The following GRM7 variants were observed in gnomAD, a reference collection of about 807,000 sequenced individuals.
The protein encoded by GRM7 is metabotropic glutamate receptor 7.
Under a neutral mutation model 84.5 loss-of-function variants are expected in GRM7, and 35 were observed. The observed-to-expected ratio is 0.41, with a 90% confidence interval of 0.32 to 0.55. The LOEUF (loss-of-function observed/expected upper bound fraction) is 0.55. Ranked by LOEUF, GRM7 falls within the 20% of genes least tolerant of loss-of-function variation. GRM7 has a pLI of 0.19. For missense variants in GRM7, 1,003 were observed against 1,194.6 expected (o/e 0.84, Z 2.36); for synonymous variants, 487 against 455.1 (o/e 1.07, Z -0.89).
chr3:7,533,150 T>C (rs1701110550), intron 7 of GRM7, among the ~76,000 whole-genome samples: 1 of 152,128 alleles, frequency 6.6e-6, no homozygotes, highest in African/African-American at 2.4e-5. Context: ...GCAGACCGAA[T>C]AGACATCTAC....
chr3:7,588,387 A>G (rs1227944409), intron 8 of GRM7, among the ~76,000 whole-genome samples: 1 of 152,120 alleles, frequency 6.6e-6, no homozygotes, highest in Admixed American at 6.6e-5. Context: ...CTCTCTACCC[A>G]CCCAGCTCAG....
intron 7 of GRM7, chr3:7,560,376 CT>C (rs1486125354): frequency 6.6e-6 from 1 of 152,102 alleles, no homozygotes; most frequent in Non-Finnish European, 1.5e-5. Context: ...ATAATCATAT[CT>C]TTCCCAAAGG....
rs1699898856 is a variant in GRM7, at chr3:7,298,752, A to G, written c.805A>G (p.Arg269Gly). Residue 269 changes from arginine to glycine, a missense_variant, in exon 3 of 10, where the codon AGA becomes GGA. This residue lies in a region of GRM7 where 910 missense variants were observed against 1,126.0 expected (regional missense o/e 0.81). Coordinates refer to ENST00000357716, the MANE Select transcript of GRM7 (RefSeq NM_000844.4). ...CAAAGACAGGACCATTGACTTTGAT[A>G]GAATTATCAAACAGCTCCTGGACAC... ...ERKDRTIDFD[R>G]IIKQLLDTPN... The G allele has an allele frequency of 6.2e-7, 1 of 1,613,690 alleles. No homozygotes were observed. The highest frequency in any genetic ancestry group is 8.5e-7 in the Non-Finnish European group (1 of 1,179,596).
At position 7,022,367 on chromosome 3, in the gene GRM7, G is replaced by GCA. The variant is rs71307753; in HGVS notation, c.520-124067_520-124066dup. 3.4e-4 allele frequency among the ~76,000 whole-genome samples: 49 copies of GCA among 145,704 alleles called. No individual in the cohort carries two copies. In the South Asian group the frequency reaches 5.2e-3, roughly 15 times the overall value. On this transcript the variant is annotated intron_variant, in intron 1 of 9. Coordinates refer to ENST00000357716, the MANE Select transcript of GRM7 (RefSeq NM_000844.4). ...AAAATATATATATATACACACACAT[G>GCA]CACACACACACACACACACCAGTGG... is the stretch of plus-strand genomic sequence containing the variant.
chr3:7,352,600 C>T lies in GRM7; in HGVS notation c.1033+45948C>T, dbSNP rs12491592. Among the ~76,000 whole-genome samples the T allele has an allele frequency of 1.4e-4, 21 of 151,894 alleles. 1 individual carries two copies. Among genetic ancestry groups the T allele is most frequent in the East Asian group, 7.7e-4 (4 of 5,170 alleles). ...GAAAGGTGAACTCTTAGCCCCAAAG[C>T]GTTTCTACTGTTAAAGAGAGGACAT... On this transcript the variant is annotated intron_variant, in intron 4 of 9. Coordinates refer to ENST00000357716, the MANE Select transcript of GRM7 (RefSeq NM_000844.4).
intron 4 of GRM7, among the ~76,000 whole-genome samples, chr3:7,345,713 C>G (rs9836538): frequency 0.38 from 58,136 of 151,908 alleles, 11,306 homozygotes; most frequent in South Asian, 0.45. Context: ...CCAGTCACTA[C>G]AATGGGTGGA....
intron 5 of GRM7, among the ~76,000 whole-genome samples, chr3:7,423,836 C>T (rs773859977): frequency 7.1e-4 from 108 of 152,022 alleles, no homozygotes; most frequent in Non-Finnish European, 1.4e-3. Flanking sequence ...AAGAGGAGAT[C>T]CAGGTATGTG....
intron 5 of GRM7, among the ~76,000 whole-genome samples, chr3:7,416,392 C>G (rs1696160603): frequency 1.3e-5 from 2 of 152,218 alleles, no homozygotes; most frequent in South Asian, 4.1e-4. Context: ...TATATATGAT[C>G]AAGAAAGACA....
intron 1 of GRM7, among the ~76,000 whole-genome samples, chr3:7,036,887 T>A (rs1696408827): frequency 6.6e-6 from 1 of 152,130 alleles, no homozygotes; most frequent in African/African-American, 2.4e-5. Flanking sequence ...TACCCTGTGT[T>A]TCAAGTTGCT....
chr3:7,186,670 T>C (rs1484045457), intron 2 of GRM7, among the ~76,000 whole-genome samples: 1 of 152,228 alleles, frequency 6.6e-6, no homozygotes, highest in Non-Finnish European at 1.5e-5. Context: ...TGTGTTATCA[T>C]GTAGCTCTAA....
intron 1 of GRM7, among the ~76,000 whole-genome samples, chr3:7,117,302 C>T (rs1439968343): frequency 2.0e-5 from 3 of 152,184 alleles, no homozygotes; most frequent in Admixed American, 6.5e-5. Context: ...TTTCCTTTCC[C>T]TTTCTTTTCT....
At chr3:7,336,064 T>C (rs1307715392) in intron 4 of GRM7, among the ~76,000 whole-genome samples, 1 of 150,140 alleles carries the variant, frequency 6.7e-6, no homozygotes, top group Non-Finnish European at 1.5e-5. Context: ...AGTATCACCA[T>C]AAAACCAAAA....
intron 2 of GRM7, among the ~76,000 whole-genome samples, chr3:7,245,076 A>G (rs2124928190): frequency 6.6e-6 from 1 of 152,108 alleles, no homozygotes; most frequent in South Asian, 2.1e-4. Flanking sequence ...TGGATATAAC[A>G]TCTTTTGATC....
chr3:7,477,716 A>C (rs548998189), intron 7 of GRM7, among the ~76,000 whole-genome samples: 4 of 152,236 alleles, frequency 2.6e-5, no homozygotes, highest in Non-Finnish European at 5.9e-5. Context: ...ATGTCTTTTG[A>C]AATATCATTT....
intron 8 of GRM7, among the ~76,000 whole-genome samples, chr3:7,654,740 T>C (rs565745959): frequency 2.0e-5 from 3 of 152,288 alleles, no homozygotes; most frequent in Admixed American, 2.0e-4. Context: ...TAAAGTACAT[T>C]ATACAAAGCA....
chr3:7,468,348 A>G (rs1211253803), intron 7 of GRM7, among the ~76,000 whole-genome samples: 2 of 152,194 alleles, frequency 1.3e-5, no homozygotes, highest in Non-Finnish European at 1.5e-5. Context: ...TTTTATTGTT[A>G]GTAATTAGAA....
chr3:7,441,843 G>T (rs1373504245), intron 5 of GRM7, among the ~76,000 whole-genome samples: 1 of 152,064 alleles, frequency 6.6e-6, no homozygotes, highest in Non-Finnish European at 1.5e-5. Flanking sequence ...CTATGTGTCT[G>T]TTTTTGTGTC....
intron 9 of GRM7, among the ~76,000 whole-genome samples, chr3:7,686,736 T>TTTA (rs1700601354): frequency 3.3e-5 from 5 of 152,280 alleles, no homozygotes; most frequent in South Asian, 2.1e-4. Context: ...CATGCTCTAC[T>TTTA]TTAAAACTAC....
chr3:7,533,986 A>C (rs1425333475), intron 7 of GRM7, among the ~76,000 whole-genome samples: 2 of 151,544 alleles, frequency 1.3e-5, no homozygotes, highest in Non-Finnish European at 2.9e-5. Context: ...TGAGTATTTA[A>C]AATGTGGCAT....
Sources: allele counts gnomAD v4.1 joint callset (sites outside exome capture counted in the v4.1 genomes callset), GRCh38; gene constraint gnomAD v4.1.1; regional missense constraint gnomAD v4.1.1; transcripts MANE v1.5; gene names NCBI Gene and HGNC (gene_info 2026-07-23, HGNC 2026-07-21).